Variants in INSL6 observed in about 807,000 individuals in gnomAD.
The protein encoded by INSL6 is insulin-like peptide INSL6.
INSL6 carries 16 observed loss-of-function variants against 9.4 expected under a neutral mutation model. That is an observed-to-expected ratio of 1.70 (90% CI 1.15 to 2.59). INSL6 has a LOEUF of 2.59. Ranked by LOEUF, INSL6 falls within the 30% of genes most tolerant of loss-of-function variation. The pLI is 0.00. For synonymous variants in INSL6, 154 were observed against 96.9 expected, an observed-to-expected ratio of 1.59 and a Z score of -3.46; for missense variants, 391 against 257.3, an observed-to-expected ratio of 1.52 and a Z score of -3.56.
chr9:5,078,542 G>T, the INSL6 span: 9 of 830,338 alleles, frequency 1.1e-5, no homozygotes, highest in African/African-American at 1.6e-4. Context: ...CATTTAATTT[G>T]TATGTTCCTG....
intron 3 of INSL6, among the ~76,000 whole-genome samples, chr9:5,132,612 C>T (rs1824312405): frequency 1.3e-5 from 2 of 151,864 alleles, no homozygotes; most frequent in Admixed American, 6.6e-5. Context: ...CATAGACATT[C>T]ACCCATCAAT....
chr9:5,057,685 C>CAAT, the INSL6 span, among the ~76,000 whole-genome samples: 1 of 149,948 alleles, frequency 6.7e-6, no homozygotes, highest in Admixed American at 6.7e-5. Context: ...TGGGTTCAAG[C>CAAT]AATTTTCCTG....
chr9:5,076,363 T>A, the INSL6 span, among the ~76,000 whole-genome samples: 1 of 152,168 alleles, frequency 6.6e-6, no homozygotes, highest in East Asian at 1.9e-4. Flanking sequence ...TTCATTGTTG[T>A]CTTATTTTAA....
At chr9:5,080,996 C>T in the INSL6 span, among the ~76,000 whole-genome samples, 21 of 149,296 alleles carry the variant, frequency 1.4e-4, no homozygotes, top group African/African-American at 2.2e-4. Flanking sequence ...CCAAGGTTCA[C>T]GCCATTCTCC....
At chr9:5,010,469 T>G in the INSL6 span, among the ~76,000 whole-genome samples, 7 of 151,978 alleles carry the variant, frequency 4.6e-5, no homozygotes, top group Admixed American at 1.3e-4. Flanking sequence ...TACAGGCGTG[T>G]ACCACTATGC....
the INSL6 span, chr9:5,085,986 G>C: frequency 1.0e-6 from 1 of 959,798 alleles, no homozygotes; most frequent in Non-Finnish European, 1.7e-6. Flanking sequence ...TTTGCTGTAC[G>C]GGGTTGTGTG....
chr9:5,159,488 C>A (rs1824879600), downstream of INSL6, among the ~76,000 whole-genome samples: 1 of 151,760 alleles, frequency 6.6e-6, no homozygotes, highest in South Asian at 2.1e-4. Flanking sequence ...AAACCAAAAA[C>A]AAGCAGGAGT....
the INSL6 span, among the ~76,000 whole-genome samples, chr9:4,996,928 C>CTT: frequency 1.1e-3 from 105 of 94,640 alleles, no homozygotes; most frequent in Middle Eastern, 5.9e-3. Flanking sequence ...TTAGTTTGTT[C>CTT]TTTTTTTTTT....
the INSL6 span, chr9:5,100,098 A>G: frequency 2.0e-5 from 3 of 152,218 alleles, no homozygotes; most frequent in African/African-American, 7.2e-5. Flanking sequence ...CACTAGTACT[A>G]TTAGCTATTA....
chr9:5,130,063 T>C (rs1824234844), intron 3 of INSL6, among the ~76,000 whole-genome samples: 1 of 152,220 alleles, frequency 6.6e-6, no homozygotes, highest in Non-Finnish European at 1.5e-5. Context: ...TATCTCCAAC[T>C]GAAACACCAG....
the INSL6 span, among the ~76,000 whole-genome samples, chr9:5,037,070 A>T: frequency 6.6e-6 from 1 of 152,258 alleles, no homozygotes; most frequent in South Asian, 2.1e-4. Flanking sequence ...ACACTTCTTG[A>T]AAGAAGACAT....
the INSL6 span, among the ~76,000 whole-genome samples, chr9:5,013,433 A>G: frequency 2.6e-5 from 4 of 152,234 alleles, no homozygotes; most frequent in Non-Finnish European, 5.9e-5. Context: ...ATTAAAGGTA[A>G]ACATTTAAAT....
chr9:5,088,061 G>A, the INSL6 span, among the ~76,000 whole-genome samples: 1 of 152,170 alleles, frequency 6.6e-6, no homozygotes, highest in Non-Finnish European at 1.5e-5. Context: ...TCTAAAATGT[G>A]TTTTGGAATA....
chr9:5,009,009 CTCTT>C, the INSL6 span, among the ~76,000 whole-genome samples: 3 of 152,182 alleles, frequency 2.0e-5, no homozygotes, highest in Non-Finnish European at 4.4e-5. Context: ...TATTATTCAA[CTCTT>C]TCACTGAATT....
At chr9:5,135,574 T>C (rs1824374207) in intron 2 of INSL6, among the ~76,000 whole-genome samples, 1 of 151,990 alleles carries the variant, frequency 6.6e-6, no homozygotes, top group Non-Finnish European at 1.5e-5. Flanking sequence ...TTGAAACCAA[T>C]AAGAACAAAG....
chr9:5,089,492 C>T, the INSL6 span, among the ~76,000 whole-genome samples: 2 of 126,706 alleles, frequency 1.6e-5, no homozygotes, highest in Non-Finnish European at 1.5e-5. Flanking sequence ...GAGCCGAGAT[C>T]GTGCCACTGC....
intron 2 of INSL6, among the ~76,000 whole-genome samples, chr9:5,137,922 G>C (rs139595839): frequency 0.011 from 1,629 of 151,568 alleles, 34 homozygotes; most frequent in African/African-American, 0.038. Context: ...GTAGGTGAAG[G>C]ATATGAACAG....
chr9:5,093,027 T>A, the INSL6 span, among the ~76,000 whole-genome samples: 2 of 152,178 alleles, frequency 1.3e-5, no homozygotes, highest in East Asian at 3.8e-4. Context: ...TAAATTCTAA[T>A]CACTCTACGG....
chr9:5,126,309 A>T (rs1210820804), intron 3 of INSL6: 8 of 1,505,832 alleles, frequency 5.3e-6, no homozygotes, highest in Non-Finnish European at 7.3e-6. Context: ...TGTACAAAAA[A>T]TATTGAAAGT....
Sources: allele counts gnomAD v4.1 joint callset (sites outside exome capture counted in the v4.1 genomes callset), GRCh38; gene constraint gnomAD v4.1.1; transcripts MANE v1.5; gene names NCBI Gene and HGNC (gene_info 2026-07-23, HGNC 2026-07-21).